CCDC73: variants seen among roughly 807,000 people sequenced by gnomAD.
CCDC73 encodes the protein coiled-coil domain containing 73.
Under a neutral mutation model 116.5 loss-of-function variants are expected in CCDC73, and 95 were observed. The ratio of observed to expected loss-of-function variants is 0.82; its 90% confidence interval spans 0.69 to 0.97. CCDC73 has a LOEUF of 0.97. CCDC73 is among the 50% of genes least tolerant of loss of function. CCDC73 has a pLI of 0.00. For missense variants in CCDC73, 1,066 were observed against 1,206.8 expected, an observed-to-expected ratio of 0.88 and a Z score of 1.73; for synonymous variants, 398 against 401.3, an observed-to-expected ratio of 0.99 and a Z score of 0.10.
In CCDC73 at chr11:32,763,919, T is replaced by A. The variant is rs187391447; in HGVS notation, c.-15-3661A>T. On this transcript the variant is annotated intron_variant, in intron 1 of 17. Transcript: ENST00000335185. The stretch of plus-strand genomic sequence containing the variant: ...TAACCAGTGTAGAGAAGTCCTTAAA[T>A]GACCTGATGGAGCTGAAAACCATGG... 7.2e-3 allele frequency among the ~76,000 whole-genome samples: 1,102 copies of A among 152,216 alleles called. 17 individuals carry two copies. The highest frequency in any genetic ancestry group is 0.026 in the African/African-American group (1,062 of 41,532).
intron 2 of CCDC73, among the ~76,000 whole-genome samples, chr11:32,745,739 GTTTT>G (rs1850230776): frequency 2.2e-5 from 2 of 90,756 alleles, no homozygotes; most frequent in Non-Finnish European, 4.3e-5. Context: ...TTGTTTGTTT[GTTTT>G]GGTTTTTTTT....
At chr11:32,625,884 G>T (rs1855568087) in intron 14 of CCDC73, among the ~76,000 whole-genome samples, 2 of 149,926 alleles carry the variant, frequency 1.3e-5, no homozygotes, top group African/African-American at 2.5e-5. Context: ...TACTGAATGG[G>T]CAAAAACTGG....
intron 2 of CCDC73, among the ~76,000 whole-genome samples, chr11:32,740,029 A>G (rs1850169713): frequency 6.6e-6 from 1 of 152,142 alleles, no homozygotes; most frequent in Non-Finnish European, 1.5e-5. Flanking sequence ...GATAAATCCC[A>G]CTTGGTCATG....
At chr11:32,650,292 A>G (rs1855815251) in intron 12 of CCDC73, among the ~76,000 whole-genome samples, 1 of 152,190 alleles carries the variant, frequency 6.6e-6, no homozygotes, top group Non-Finnish European at 1.5e-5. Flanking sequence ...CGACAGATTT[A>G]ATCCTAATTT....
chr11:32,763,485 G>A (rs1272083417), intron 1 of CCDC73, among the ~76,000 whole-genome samples: 1 of 152,194 alleles, frequency 6.6e-6, no homozygotes, highest in African/African-American at 2.4e-5. Flanking sequence ...AGGCAAACAG[G>A]GTCTGGTGTA....
At chr11:32,619,679 AAGG>A (rs1855505446) in intron 14 of CCDC73, among the ~76,000 whole-genome samples, 1 of 151,818 alleles carries the variant, frequency 6.6e-6, no homozygotes, top group Non-Finnish European at 1.5e-5. Flanking sequence ...TTGAAGAAAG[AAGG>A]AGAAGGAATA....
At chr11:32,652,352 G>C (rs76491020) in intron 12 of CCDC73, among the ~76,000 whole-genome samples, 8,653 of 142,744 alleles carry the variant, frequency 0.061, 264 homozygotes, top group Non-Finnish European at 0.071. Flanking sequence ...CAAAACAAAA[G>C]AAAAGAAATA....
chr11:32,673,127 T>C (rs2133284811), intron 9 of CCDC73, among the ~76,000 whole-genome samples: 1 of 152,272 alleles, frequency 6.6e-6, no homozygotes, highest in Non-Finnish European at 1.5e-5. Flanking sequence ...ACAGACACTT[T>C]AACAAAAAAT....
intron 2 of CCDC73, among the ~76,000 whole-genome samples, chr11:32,751,224 T>C (rs1009046665): frequency 1.3e-5 from 2 of 152,122 alleles, no homozygotes; most frequent in Non-Finnish European, 2.9e-5. Context: ...CCCTCTCCTC[T>C]CTTCAAGCAG....
chr11:32,806,655 A>C, the CCDC73 span, among the ~76,000 whole-genome samples: 277 of 151,848 alleles, frequency 1.8e-3, 1 homozygote, highest in African/African-American at 6.3e-3. Context: ...AGAAAGAAAG[A>C]AAGAAACGAG....
At chr11:32,801,300 G>A in the CCDC73 span, among the ~76,000 whole-genome samples, 19 of 152,176 alleles carry the variant, frequency 1.2e-4, no homozygotes, top group African/African-American at 4.6e-4. Context: ...TACTCCTAGA[G>A]CTGGAGACAG....
chr11:32,635,716 C>A lies in CCDC73; in HGVS notation c.1165G>T (p.Glu389Ter). ...YNKLCNQKTFEEDKKFQNVPE... is the reference protein window; with the variant it reads ...YNKLCNQKTF ...TTTACCTGAAACTTTTTGTCTTCCT[C>A]AAATGTTTTTTGATTGCATAATTTG... Residue 389 changes from glutamate (E) to a stop codon, truncating the protein, a stop_gained, in exon 14 of 18, where the codon GAG becomes TAG. Coordinates refer to ENST00000335185, the MANE Select transcript of CCDC73 (RefSeq NM_001008391.4). LOFTEE classifies it high-confidence loss of function. 1 of 1,312,398 alleles carries A rather than the reference C, an allele frequency of 7.6e-7. No individual in the cohort carries two copies. Among genetic ancestry groups the A allele is most frequent in the South Asian group, 2.2e-5 (1 of 46,188 alleles). 81.3% of individuals were successfully genotyped at this position (1,312,398 alleles called of 1,614,324 possible).
the CCDC73 span, among the ~76,000 whole-genome samples, chr11:32,800,724 G>A: frequency 6.6e-6 from 1 of 152,068 alleles, no homozygotes; most frequent in African/African-American, 2.4e-5. Context: ...TCTCCTCCAA[G>A]TTGCAGGCCT....
chr11:32,811,419 A>G, the CCDC73 span, among the ~76,000 whole-genome samples: 7 of 152,312 alleles, frequency 4.6e-5, no homozygotes, highest in Non-Finnish European at 7.4e-5. Flanking sequence ...AAGAATTGTT[A>G]TATACATTGA....
chr11:32,636,345 C>A (rs1290583070), intron 13 of CCDC73, among the ~76,000 whole-genome samples: 2 of 151,950 alleles, frequency 1.3e-5, no homozygotes, highest in Non-Finnish European at 2.9e-5. Flanking sequence ...GATTTGAATT[C>A]CACTAGATGA....
At chr11:32,704,006 G>A (rs1351722759) in intron 3 of CCDC73, among the ~76,000 whole-genome samples, 1 of 152,232 alleles carries the variant, frequency 6.6e-6, no homozygotes, top group Non-Finnish European at 1.5e-5. Flanking sequence ...GATGAGAACA[G>A]TGGCCCATCT....
the CCDC73 span, among the ~76,000 whole-genome samples, chr11:32,821,830 C>T: frequency 6.6e-6 from 1 of 152,196 alleles, no homozygotes; most frequent in South Asian, 2.1e-4. Context: ...AAAATTTCTG[C>T]ACCTGTTTGT....
At chr11:32,722,095 T>G (rs1849995200) in intron 2 of CCDC73, among the ~76,000 whole-genome samples, 1 of 151,908 alleles carries the variant, frequency 6.6e-6, no homozygotes, top group Non-Finnish European at 1.5e-5. Context: ...AAAAGTAGAG[T>G]GCTTCTACAA....
intron 14 of CCDC73, among the ~76,000 whole-genome samples, chr11:32,634,726 G>T (rs1855662815): frequency 6.6e-6 from 1 of 152,130 alleles, no homozygotes; most frequent in East Asian, 1.9e-4. Context: ...TCTTAAACTT[G>T]CAGACAACAT....
Sources: gnomAD v4.1 joint callset for allele counts (sites outside exome capture counted in the v4.1 genomes callset) on GRCh38, gnomAD v4.1.1 for gene constraint, MANE v1.5 for transcripts, NCBI Gene and HGNC (gene_info 2026-07-23, HGNC 2026-07-21) for gene names.